HAUS1: variants seen among roughly 807,000 people sequenced by gnomAD.
HAUS1 encodes the protein HAUS augmin-like complex subunit 1.
A neutral mutation model predicts 38.6 loss-of-function variants in HAUS1; 25 were observed. The observed-to-expected ratio is 0.65, with a 90% CI of 0.47 to 0.91. The LOEUF (loss-of-function observed/expected upper bound fraction) is 0.91. HAUS1 is among the 40% of genes least tolerant of loss of function. The probability of loss-of-function intolerance (pLI) is 0.00; values close to 1 mark genes in which losing one functional copy is unlikely to be tolerated. For missense variants in HAUS1, 325 were observed against 328.4 expected (o/e 0.99, Z 0.08); for synonymous variants, 109 against 112.9 (o/e 0.97, Z 0.22).
rs376720580 is a variant in HAUS1 at position 46,118,308 on chromosome 18, G to A, written c.333G>A (p.Ser111=). Residue 111 remains serine, a synonymous_variant, in exon 3 of 9, where the codon TCG becomes TCA. Transcript: ENST00000282058. ...SAVALETKDT[S]LASFIPAVND... Reference sequence around the variant, plus strand: ...TGGCCCTTGAAACAAAGGATACCTCGCTAGCTAGGTAATTCTTATGACAGT... The same window carrying A: ...TGGCCCTTGAAACAAAGGATACCTCACTAGCTAGGTAATTCTTATGACAGT... The A allele has an allele frequency of 1.0e-4, 168 of 1,613,354 alleles. 2 individuals are homozygous for A. Among genetic ancestry groups the A allele is most frequent in the South Asian group, 4.4e-4 (40 of 91,044 alleles).
At chr18:46,122,309 A>AAG (rs371942703) in intron 4 of HAUS1, among the ~76,000 whole-genome samples, 158 bp from the exon 5 acceptor site, 13 of 151,908 alleles carry the variant, frequency 8.6e-5, no homozygotes, top group African/African-American at 2.9e-4. Flanking sequence ...ATCTCTTAAA[A>AAG]AAAAAAAAAA....
At chr18:46,104,801 A>AGCCTCCCGGCGCGGCGGGGCTTCT (rs531187647) in intron 1 of HAUS1, among the ~76,000 whole-genome samples, 2,233 of 152,168 alleles carry the variant, frequency 0.015, 52 homozygotes, top group African/African-American at 0.051. Context: ...CAACACTGGG[A>AGCCTCCCGGCGCGGCGGGGCTTCT]GCCTCCCGGC....
At chr18:46,104,580 T>G in intron 1 of HAUS1, 139 bp downstream of exon 1, 1 of 668,816 alleles carries the variant, frequency 1.5e-6, no homozygotes, top group Non-Finnish European at 2.3e-6. Flanking sequence ...AGTGCCGCCG[T>G]CACTATCTGC....
At chr18:46,122,167 C>T (rs191315528) in intron 4 of HAUS1, among the ~76,000 whole-genome samples, 1 of 152,068 alleles carries the variant, frequency 6.6e-6, no homozygotes, top group African/African-American at 2.4e-5. Flanking sequence ...AAAAATTAGC[C>T]AGGCATAGTG....
Position 46,118,178 on chromosome 18 carries a change from T to C in HAUS1, c.206-3T>C. Reference sequence around the variant, plus strand: ...TCACTATGGAACTCTTTCATGTTTTTAGCCAAGTATCTTCAAGACCTTCTC... The same window carrying C: ...TCACTATGGAACTCTTTCATGTTTTCAGCCAAGTATCTTCAAGACCTTCTC... On this transcript the variant is annotated splice_region_variant and splice_polypyrimidine_tract_variant and intron_variant, in intron 2 of 8. Transcript: ENST00000282058. The C allele has an allele frequency of 6.2e-7, 1 of 1,611,434 alleles. No individual in the cohort carries two copies. The highest frequency in any genetic ancestry group is 8.5e-7 in the Non-Finnish European group (1 of 1,179,756).
intron 4 of HAUS1, 111 bp from the exon 5 acceptor site, chr18:46,122,356 A>C (rs1322694070): frequency 9.5e-7 from 1 of 1,056,954 alleles, no homozygotes; most frequent in African/African-American, 1.6e-5. Flanking sequence ...TGACCTGGTT[A>C]CCAACTCTTG....
intron 2 of HAUS1, among the ~76,000 whole-genome samples, chr18:46,116,772 G>A (rs766816217): frequency 2.4e-4 from 37 of 152,048 alleles, no homozygotes; most frequent in Non-Finnish European, 4.6e-4. Flanking sequence ...CAACACTTTG[G>A]GAGGCCAAGG....
chr18:46,111,118 T>G (rs1477781286), intron 2 of HAUS1, among the ~76,000 whole-genome samples: 1 of 151,836 alleles, frequency 6.6e-6, no homozygotes, highest in Non-Finnish European at 1.5e-5. Context: ...TCCATCCACC[T>G]CGGCCTCTCA....
At position 46,124,882 on chromosome 18, in the gene HAUS1, G is replaced by A; in HGVS notation, c.727G>A (p.Asp243Asn). ...PLKKKLESYL[D>N]LMPNPSLAQV... ...GAAGAAAAAATTGGAGTCCTATTTA[G>A]ACTTAATGCCGGTAATAATTTTCGC... Residue 243 changes from aspartate to asparagine, a missense_variant, in exon 7 of 9, where the codon GAC becomes AAC. Asp to Asn is a conservative substitution (Grantham distance 23). Coordinates refer to ENST00000282058, the MANE Select transcript of HAUS1 (RefSeq NM_138443.4). 6.4e-7 allele frequency: 1 copy of A among 1,574,588 alleles called. No homozygotes were observed. The highest frequency in any genetic ancestry group is 8.7e-7 in the Non-Finnish European group (1 of 1,145,924).
chr18:46,122,361 C>G lies in HAUS1; in HGVS notation c.477-106C>G, dbSNP rs569498226. 100 of 1,156,810 alleles carry G rather than the reference C, an allele frequency of 8.6e-5. No homozygotes were observed. The African/African-American group carries it at 1.5e-3, about 17-fold the overall frequency. 71.7% of individuals were successfully genotyped at this position (1,156,810 alleles called of 1,614,324 possible). A position where few individuals can be genotyped will look rare whatever the true frequency, so the allele number is the denominator to read the frequency against. On this transcript the variant is annotated intron_variant, in intron 4 of 8. Transcript: ENST00000282058. ...GAGGGGAAGATGACCTGGTTACCAA[C>G]TCTTGGCCAAGCCAGCATTGAATCC... is the stretch of plus-strand genomic sequence containing the variant.
chr18:46,106,209 G>A (rs1911475086), intron 2 of HAUS1, among the ~76,000 whole-genome samples: 1 of 152,096 alleles, frequency 6.6e-6, no homozygotes, highest in Admixed American at 6.6e-5. Context: ...GGTGGCTTAC[G>A]CCTGTAATCC....
chr18:46,119,935 T>G lies in HAUS1; in HGVS notation c.351T>G (p.Pro117=). Residue 117 remains proline, a synonymous_variant, in exon 4 of 9, where the codon CCT becomes CCG. Coordinates refer to ENST00000282058, the MANE Select transcript of HAUS1 (RefSeq NM_138443.4). ...TKDTSLASFI[P]AVNDLTSDLF... ...CAGATTCTTCTTTTAGTTTTATCCC[T>G]GCAGTGAATGATTTGACCTCTGATC... 4 of 1,600,782 alleles carry G rather than the reference T, an allele frequency of 2.5e-6. No individual in the cohort carries two copies. The highest frequency in any genetic ancestry group is 3.4e-6 in the Non-Finnish European group (4 of 1,176,146).
At chr18:46,111,699 C>G (rs1017260625) in intron 2 of HAUS1, among the ~76,000 whole-genome samples, 1 of 151,840 alleles carries the variant, frequency 6.6e-6, no homozygotes, top group African/African-American at 2.4e-5. Flanking sequence ...CTCAAGTGAT[C>G]TGCCTGCCTC....
chr18:46,126,414 A>C (rs1912106426), intron 8 of HAUS1, among the ~76,000 whole-genome samples: 1 of 152,230 alleles, frequency 6.6e-6, no homozygotes, highest in Non-Finnish European at 1.5e-5. Context: ...AAGCTGAAAC[A>C]TGGAGGACTT....
rs377287184 is a variant in HAUS1, at chr18:46,124,908, G to A, written c.738+15G>A. On this transcript the variant is annotated intron_variant, in intron 7 of 8. Transcript: ENST00000282058. Reference sequence around the variant, plus strand: ...ACTTAATGCCGGTAATAATTTTCGCGAATTAAAAAACAATTATTTCCTCCA... The same window carrying A: ...ACTTAATGCCGGTAATAATTTTCGCAAATTAAAAAACAATTATTTCCTCCA... 1.5e-5 allele frequency: 22 copies of A among 1,431,866 alleles called. No individual in the cohort carries two copies. In the Middle Eastern group the frequency reaches 5.3e-4, roughly 34 times the overall value. 88.7% of individuals were successfully genotyped at this position (1,431,866 alleles called of 1,614,324 possible). A position where few individuals can be genotyped will look rare whatever the true frequency, so the allele number is the denominator to read the frequency against.
rs1911525209 is a variant in HAUS1 at position 46,108,181 on chromosome 18, G to C, written c.205+2813G>C. Among the ~76,000 whole-genome samples, 2 of 151,798 alleles carry C rather than the reference G, an allele frequency of 1.3e-5. 1 individual carries two copies. Among genetic ancestry groups the C allele is most frequent in the South Asian group, 4.1e-4 (2 of 4,828 alleles). On this transcript the variant is annotated intron_variant, in intron 2 of 8. Transcript: ENST00000282058. ...ACTCCTTGTCTTGTCCCTAATCCTA[G>C]ACAAGAGAGAATCCAGTCTTCACCA...
At chr18:46,122,680 C>G in intron 5 of HAUS1, 90 bp downstream of exon 5, 1 of 1,422,662 alleles carries the variant, frequency 7.0e-7, no homozygotes, top group East Asian at 2.3e-5. Context: ...TCCCTTTTTA[C>G]AGATGAGAGG....
chr18:46,124,618 G>A, intron 6 of HAUS1, among the ~76,000 whole-genome samples: 1 of 151,810 alleles, frequency 6.6e-6, no homozygotes, highest in Non-Finnish European at 1.5e-5. Context: ...AATTAAATAA[G>A]ACTATAACTT....
Position 46,105,373 on chromosome 18 carries a change from G to A in HAUS1, c.205+5G>A, listed in dbSNP as rs370494970. 1.9e-6 allele frequency: 3 copies of A among 1,607,484 alleles called. No individual in the cohort carries two copies. Among genetic ancestry groups the A allele is most frequent in the African/African-American group, 2.7e-5 (2 of 74,710 alleles). On this transcript the variant is annotated splice_donor_5th_base_variant and intron_variant, in intron 2 of 8. Coordinates refer to ENST00000282058, the MANE Select transcript of HAUS1 (RefSeq NM_138443.4). ...CAAGTGAATACGAGTCAGAAGGTGA[G>A]ATTAAGTCCAGAGTTTTGAACGAGA...
Sources: allele counts gnomAD v4.1 joint callset (sites outside exome capture counted in the v4.1 genomes callset), GRCh38; gene constraint gnomAD v4.1.1; transcripts MANE v1.5; gene names NCBI Gene and HGNC (gene_info 2026-07-23, HGNC 2026-07-21).